Variants in MAP3K21 observed in about 807,000 individuals in gnomAD.
MAP3K21 encodes mitogen-activated protein kinase kinase kinase 21.
A neutral mutation model predicts 86.1 loss-of-function variants in MAP3K21; 63 were observed. The ratio of observed to expected loss-of-function variants is 0.73; its 90% CI spans 0.60 to 0.90. The LOEUF is 0.90. MAP3K21 is among the 40% of genes least tolerant of loss of function. The probability of loss-of-function intolerance (pLI) is 0.00; values close to 1 mark genes in which losing one functional copy is unlikely to be tolerated. For synonymous variants in MAP3K21, 558 were observed against 564.8 expected (o/e 0.99, Z 0.17); for missense variants, 1,220 against 1,367.7 (o/e 0.89, Z 1.70).
chr1:233,355,191 A>G (rs1398972305), intron 4 of MAP3K21, among the ~76,000 whole-genome samples, 180 bp downstream of exon 4: 1 of 152,244 alleles, frequency 6.6e-6, no homozygotes, highest in Non-Finnish European at 1.5e-5. Context: ...CTCAATATGT[A>G]TAATTGGGGA....
chr1:233,341,250 G>A (rs1447123289), intron 1 of MAP3K21, among the ~76,000 whole-genome samples: 7 of 152,190 alleles, frequency 4.6e-5, no homozygotes, highest in African/African-American at 1.7e-4. Flanking sequence ...GGTTCTTCCT[G>A]CGTGAATGAC....
At chr1:233,371,959 A>C in intron 5 of MAP3K21, 79 bp from the exon 6 acceptor site, 1 of 1,425,520 alleles carries the variant, frequency 7.0e-7, no homozygotes, top group Non-Finnish European at 9.4e-7. Flanking sequence ...TTTTGTTTTT[A>C]TTGCTGTGTG....
chr1:233,376,936 A>G (rs1411817127), intron 8 of MAP3K21, among the ~76,000 whole-genome samples: 4 of 152,160 alleles, frequency 2.6e-5, no homozygotes, highest in Admixed American at 2.6e-4. Flanking sequence ...TAACTATGAA[A>G]AACACAAAAA....
At chr1:233,336,768 T>C (rs564150622) in intron 1 of MAP3K21, among the ~76,000 whole-genome samples, 34 of 152,318 alleles carry the variant, frequency 2.2e-4, no homozygotes, top group African/African-American at 7.2e-4. Context: ...AATATAGATA[T>C]ACAGCAAAGT....
chr1:233,362,385 G>A, intron 5 of MAP3K21, 92 bp downstream of exon 5: 1 of 1,405,164 alleles, frequency 7.1e-7, no homozygotes, highest in Non-Finnish European at 9.8e-7. Context: ...AAGAGATAGG[G>A]AAGTAACTTT....
In MAP3K21 at chr1:233,339,319, T is replaced by C. The variant is rs1309075101; in HGVS notation, c.806-7123T>C. On this transcript the variant is annotated intron_variant, in intron 1 of 9. Transcript: ENST00000366624. Reference sequence around the variant, plus strand: ...CTTCTTCTTCCTCTTCTTCTTCCTCTTCTTCTTCTTCCTCTTCTTCTCCCT... The same window carrying C: ...CTTCTTCTTCCTCTTCTTCTTCCTCCTCTTCTTCTTCCTCTTCTTCTCCCT... 6.3e-3 allele frequency among the ~76,000 whole-genome samples: 841 copies of C among 133,496 alleles called. 154 individuals carry two copies. The highest frequency in any genetic ancestry group is 0.013 in the East Asian group (54 of 4,132). The allele number at this position is 133,496 out of a possible 152,430, so 87.6% of individuals were successfully genotyped here. A position where few individuals can be genotyped will look rare whatever the true frequency, so the allele number is the denominator to read the frequency against.
At chr1:233,348,311 A>G (rs1663187333) in intron 2 of MAP3K21, among the ~76,000 whole-genome samples, 1 of 152,344 alleles carries the variant, frequency 6.6e-6, no homozygotes, top group East Asian at 1.9e-4. Flanking sequence ...CAGAGCATGG[A>G]TCAATACCTC....
intron 2 of MAP3K21, among the ~76,000 whole-genome samples, chr1:233,352,398 A>G (rs950591343): frequency 5.3e-5 from 8 of 151,882 alleles, no homozygotes; most frequent in Non-Finnish European, 1.2e-4. Flanking sequence ...ACAGTGCGTT[A>G]AAACAGGGGT....
intron 5 of MAP3K21, among the ~76,000 whole-genome samples, chr1:233,363,963 G>A (rs1046766729): frequency 1.2e-4 from 18 of 151,670 alleles, no homozygotes; most frequent in African/African-American, 2.2e-4. Context: ...GCAGTGAGCC[G>A]AAATTGTGCC....
In MAP3K21 at chr1:233,328,898, G is replaced by A; in HGVS notation, c.805+65G>A. 2 of 1,325,284 alleles carry A rather than the reference G, an allele frequency of 1.5e-6. No homozygotes were observed. The highest frequency in any genetic ancestry group is 1.9e-6 in the Non-Finnish European group (2 of 1,030,616). The allele number at this position is 1,325,284 out of a possible 1,614,324, so 82.1% of individuals were successfully genotyped here. On this transcript the variant is annotated intron_variant, in intron 1 of 9. Transcript: ENST00000366624. The surrounding 1 kb of genome is among the most constrained non-coding windows in gnomAD (Gnocchi z 8.7). ...GTGCCAGCCCAGGCGGGCTCCACAG[G>A]ACATAGTACCAGATGGAAAGAGGTG...
intron 9 of MAP3K21, 100 bp downstream of exon 9, chr1:233,379,810 T>C: frequency 1.1e-6 from 1 of 924,900 alleles, no homozygotes; most frequent in East Asian, 2.5e-5. Flanking sequence ...GGTGATGACA[T>C]TTAATAATTT....
At position 233,346,510 on chromosome 1, in the gene MAP3K21, T is replaced by C; in HGVS notation, c.874T>C (p.Leu292=). 2 of 1,613,882 alleles carry C rather than the reference T, an allele frequency of 1.2e-6. No individual in the cohort carries two copies. Among genetic ancestry groups the C allele is most frequent in the Non-Finnish European group, 1.7e-6 (2 of 1,179,824 alleles). The change falls in exon 2 of 10, where the codon TTG becomes CTG. Residue 292 remains leucine, a synonymous_variant. Coordinates refer to ENST00000366624, the MANE Select transcript of MAP3K21 (RefSeq NM_032435.3). The part of the protein sequence containing the change: ...NKTLKITDFG[L]AREWHRTTKM... ...AACTTTGAAGATTACAGATTTTGGG[T>C]TGGCGAGGGAATGGCACAGGACCAC... is the stretch of plus-strand genomic sequence containing the variant.
intron 1 of MAP3K21, among the ~76,000 whole-genome samples, chr1:233,335,792 A>G (rs1662901145): frequency 6.6e-6 from 1 of 152,242 alleles, no homozygotes; most frequent in African/African-American, 2.4e-5. Context: ...TGAATATAAC[A>G]ATAGACCCCA....
chr1:233,361,298 T>C (rs970721460), intron 4 of MAP3K21, among the ~76,000 whole-genome samples: 9 of 152,248 alleles, frequency 5.9e-5, no homozygotes, highest in African/African-American at 2.2e-4. Context: ...GGTCTAACTT[T>C]AATCAGTATC....
At position 233,361,797 on chromosome 1, in the gene MAP3K21, G is replaced by A. The variant is rs549456989; in HGVS notation, c.1312-256G>A. 1.1e-3 allele frequency among the ~76,000 whole-genome samples: 165 copies of A among 152,312 alleles called. 2 individuals carry two copies. Among genetic ancestry groups the A allele is most frequent in the African/African-American group, 3.7e-3 (153 of 41,566 alleles). ...CATAAAACTAACAGAGGAGACTGGC[G>A]TTTGTGCAGAGGCCTGGGCTGTCAT... On this transcript the variant is annotated intron_variant, in intron 4 of 9. Transcript: ENST00000366624.
chr1:233,339,356 T>C lies in MAP3K21; in HGVS notation c.806-7086T>C, dbSNP rs1558451144. Among the ~76,000 whole-genome samples the C allele has an allele frequency of 5.5e-3, 350 of 63,862 alleles. 19 individuals are homozygous for C. Among genetic ancestry groups the C allele is most frequent in the Middle Eastern group, 0.019 (3 of 156 alleles). The allele number at this position is 63,862 out of a possible 152,430, so 41.9% of individuals were successfully genotyped here. On this transcript the variant is annotated intron_variant, in intron 1 of 9. Transcript: ENST00000366624. ...CTCTTCTTCTCCCTCTTCTCCCTCTTCTCCTTCTCCTCCTTCTCCTTCTTC... is the reference window on the plus strand; with the variant it reads ...CTCTTCTTCTCCCTCTTCTCCCTCTCCTCCTTCTCCTCCTTCTCCTTCTTC...
chr1:233,352,369 T>G (rs1379033226), intron 2 of MAP3K21, among the ~76,000 whole-genome samples: 1 of 152,194 alleles, frequency 6.6e-6, no homozygotes, highest in Non-Finnish European at 1.5e-5. Flanking sequence ...GATATATTAT[T>G]GCTAACTGTA....
At chr1:233,372,349 C>T in intron 6 of MAP3K21, 189 bp downstream of exon 6, 1 of 623,984 alleles carries the variant, frequency 1.6e-6, no homozygotes. Flanking sequence ...CTTCTACTCA[C>T]AAAAAATGAA....
At chr1:233,366,493 A>C (rs1663576793) in intron 5 of MAP3K21, among the ~76,000 whole-genome samples, 1 of 152,234 alleles carries the variant, frequency 6.6e-6, no homozygotes, top group South Asian at 2.1e-4. Context: ...GTCAACAAAA[A>C]GACGAAGAGA....
Sources: gnomAD v4.1 joint callset for allele counts (sites outside exome capture counted in the v4.1 genomes callset) on GRCh38, gnomAD v4.1.1 for gene constraint, Gnocchi (gnomAD v3.1) non-coding constraint, MANE v1.5 for transcripts, NCBI Gene and HGNC (gene_info 2026-07-23, HGNC 2026-07-21) for gene names.